MTUS2: variants seen among roughly 807,000 people sequenced by gnomAD.
The protein encoded by MTUS2 is microtubule-associated tumor suppressor candidate 2.
MTUS2 carries 40 observed loss-of-function variants against 114.1 expected under a neutral mutation model. That is an observed-to-expected ratio of 0.35 (90% CI 0.27 to 0.46). The LOEUF (loss-of-function observed/expected upper bound fraction) is 0.46. MTUS2 is among the 20% of genes least tolerant of loss of function. The probability of loss-of-function intolerance (pLI) is 1.00; values close to 1 mark genes in which losing one functional copy is unlikely to be tolerated. For missense variants in MTUS2, 1,679 were observed against 1,705.4 expected, an observed-to-expected ratio of 0.98 and a Z score of 0.27; for synonymous variants, 688 against 672.0, an observed-to-expected ratio of 1.02 and a Z score of -0.37.
intron 2 of MTUS2, among the ~76,000 whole-genome samples, chr13:28,902,989 C>T (rs534351947): frequency 6.6e-6 from 1 of 152,188 alleles, no homozygotes; most frequent in South Asian, 2.1e-4. Flanking sequence ...ATGAATTAAA[C>T]TCTTCAGTAG....
intron 2 of MTUS2, among the ~76,000 whole-genome samples, chr13:29,007,971 T>G (rs1403034194): frequency 6.6e-6 from 1 of 152,178 alleles, no homozygotes; most frequent in African/African-American, 2.4e-5. Context: ...TGATTATTAT[T>G]TGTAATTTGT....
intron 5 of MTUS2, among the ~76,000 whole-genome samples, chr13:29,276,246 G>T (rs1418241135): frequency 2.6e-5 from 4 of 152,188 alleles, no homozygotes; most frequent in African/African-American, 9.7e-5. Context: ...ACAGTTTAAT[G>T]AGAAAATTGT....
At chr13:29,293,442 A>G (rs1898801420) in intron 6 of MTUS2, among the ~76,000 whole-genome samples, 1 of 152,158 alleles carries the variant, frequency 6.6e-6, no homozygotes, top group African/African-American at 2.4e-5. Flanking sequence ...AAGATTTATT[A>G]CATCCAGCGT....
intron 4 of MTUS2, among the ~76,000 whole-genome samples, chr13:29,042,419 G>A (rs1317163965): frequency 3.9e-5 from 6 of 152,014 alleles, no homozygotes; most frequent in East Asian, 3.9e-4. Context: ...AGATTGGTCT[G>A]TAATGTTTCT....
At chr13:29,231,658 T>C (rs1410095079) in intron 5 of MTUS2, among the ~76,000 whole-genome samples, 1 of 152,238 alleles carries the variant, frequency 6.6e-6, no homozygotes, top group Non-Finnish European at 1.5e-5. Context: ...TGTTCAGCAG[T>C]TCACTTAACT....
intron 5 of MTUS2, among the ~76,000 whole-genome samples, chr13:29,235,242 C>T (rs1382731513): frequency 1.3e-5 from 2 of 152,016 alleles, no homozygotes; most frequent in Non-Finnish European, 2.9e-5. Context: ...GATAGGCATG[C>T]GCCACCACGC....
At chr13:28,946,515 T>C (rs1237981712) in intron 2 of MTUS2, among the ~76,000 whole-genome samples, 2 of 152,226 alleles carry the variant, frequency 1.3e-5, no homozygotes, top group Admixed American at 1.3e-4. Context: ...TCATCAGATA[T>C]GCCCAATAAC....
chr13:28,834,763 A>T (rs1325147344), intron 1 of MTUS2, among the ~76,000 whole-genome samples: 2 of 152,178 alleles, frequency 1.3e-5, no homozygotes, highest in Non-Finnish European at 2.9e-5. Flanking sequence ...AATTTTTTGA[A>T]AATTATGTAT....
At chr13:29,038,873 A>T (rs1369378870) in intron 4 of MTUS2, among the ~76,000 whole-genome samples, 1 of 152,156 alleles carries the variant, frequency 6.6e-6, no homozygotes, top group Non-Finnish European at 1.5e-5. Context: ...AAGCCTCAGG[A>T]ATTGCCCCTC....
chr13:28,850,475 C>G (rs749780606), intron 2 of MTUS2, among the ~76,000 whole-genome samples: 3 of 152,200 alleles, frequency 2.0e-5, no homozygotes, highest in Non-Finnish European at 2.9e-5. Context: ...TCACCAGGCA[C>G]CCTCTCTCTA....
rs17072578 is a variant in MTUS2, at chr13:29,034,156, T to C, written c.2446+31T>C. On this transcript the variant is annotated intron_variant, in intron 4 of 15. Coordinates refer to ENST00000612955, the MANE Select transcript of MTUS2 (RefSeq NM_001033602.4). ...CGATCCAACAGTTTCTGCCTTTTCCTGCTGTACGTTTAGATAGTCATCATG... is the reference window on the plus strand; with the variant it reads ...CGATCCAACAGTTTCTGCCTTTTCCCGCTGTACGTTTAGATAGTCATCATG... The C allele has an allele frequency of 7.5e-3, 12,106 of 1,612,596 alleles. 668 individuals are homozygous for C. In the African/African-American group the frequency reaches 0.13, roughly 17 times the overall value.
At chr13:29,197,689 G>A (rs866273571) in intron 5 of MTUS2, among the ~76,000 whole-genome samples, 11 of 152,082 alleles carry the variant, frequency 7.2e-5, no homozygotes, top group Non-Finnish European at 1.3e-4. Flanking sequence ...GTGTAAAAGC[G>A]TTCCTACTTC....
At chr13:29,006,644 T>C (rs1460481781) in intron 2 of MTUS2, among the ~76,000 whole-genome samples, 1 of 152,190 alleles carries the variant, frequency 6.6e-6, no homozygotes, top group East Asian at 1.9e-4. Context: ...GAAGGCATCC[T>C]GAGAGGCCTG....
chr13:29,089,059 G>A (rs1171099670), intron 4 of MTUS2, among the ~76,000 whole-genome samples: 1 of 152,198 alleles, frequency 6.6e-6, no homozygotes, highest in Non-Finnish European at 1.5e-5. Context: ...AGTGGGCTAT[G>A]TACTTAAGTA....
chr13:29,362,448 T>G (rs1000360750), intron 8 of MTUS2, among the ~76,000 whole-genome samples: 36 of 152,224 alleles, frequency 2.4e-4, no homozygotes, highest in African/African-American at 8.7e-4. Context: ...AAAAATAATT[T>G]AAGAAAATAA....
intron 4 of MTUS2, chr13:29,072,295 C>A (rs1029842828): frequency 6.6e-6 from 1 of 152,176 alleles, no homozygotes; most frequent in Non-Finnish European, 1.5e-5. Context: ...GAATTACTCT[C>A]ATTTTCAAGC....
At chr13:29,304,289 A>G (rs1899338855) in intron 6 of MTUS2, among the ~76,000 whole-genome samples, 1 of 152,130 alleles carries the variant, frequency 6.6e-6, no homozygotes, top group Non-Finnish European at 1.5e-5. Flanking sequence ...ACACATAACA[A>G]TACCAATCTA....
Position 29,504,883 on chromosome 13 carries a change from G to A in MTUS2, c.*1677G>A, listed in dbSNP as rs1213496140. 6 of 232,470 alleles carry A rather than the reference G, an allele frequency of 2.6e-5. No individual in the cohort carries two copies. Among genetic ancestry groups the A allele is most frequent in the East Asian group, 1.2e-4 (2 of 16,508 alleles). The allele number at this position is 232,470 out of a possible 1,614,324, so 14.4% of individuals were successfully genotyped here. ...CATGGAACGGGGAAGAAAACAGCCC[G>A]CGGACGGGGTCGGCTTGTCCAGGGC... On this transcript the variant is annotated 3_prime_UTR_variant, in exon 16 of 16. Transcript: ENST00000612955.
At chr13:29,245,340 A>G in intron 5 of MTUS2, among the ~76,000 whole-genome samples, 1 of 152,212 alleles carries the variant, frequency 6.6e-6, no homozygotes, top group Non-Finnish European at 1.5e-5. Context: ...ATTTTCCACC[A>G]GAGAAATCTG....
Sources: gnomAD v4.1 joint callset for allele counts (sites outside exome capture counted in the v4.1 genomes callset) on GRCh38, gnomAD v4.1.1 for gene constraint, MANE v1.5 for transcripts, NCBI Gene and HGNC (gene_info 2026-07-23, HGNC 2026-07-21) for gene names.